VPS41: variants seen among roughly 807,000 people sequenced by gnomAD.
VPS41 encodes VPS41 subunit of HOPS complex.
VPS41 carries 85 observed loss-of-function variants against 130.9 expected under a neutral mutation model. That is an observed-to-expected ratio of 0.65 (90% confidence interval 0.55 to 0.78). The LOEUF is 0.78. VPS41 is among the 30% of genes least tolerant of loss of function. The pLI, the probability that VPS41 is intolerant of heterozygous loss-of-function variation, is 0.00. For synonymous variants in VPS41, 335 were observed against 332.9 expected (o/e 1.01, Z -0.07); for missense variants, 874 against 1,018.7 (o/e 0.86, Z 1.93).
At chr7:38,870,716 T>C (rs1584437546) in intron 2 of VPS41, among the ~76,000 whole-genome samples, 1 of 100,002 alleles carries the variant, frequency 1.0e-5, no homozygotes, top group African/African-American at 4.2e-5. Flanking sequence ...AGCAGGGCTT[T>C]AAAATAACTA....
chr7:38,756,076 T>C (rs1040216686), intron 19 of VPS41, among the ~76,000 whole-genome samples: 5 of 152,200 alleles, frequency 3.3e-5, no homozygotes, highest in African/African-American at 1.2e-4. Flanking sequence ...TACAATATAA[T>C]TGAAAAATGC....
At chr7:38,906,593 C>T (rs1400082804) in intron 1 of VPS41, among the ~76,000 whole-genome samples, 2 of 152,120 alleles carry the variant, frequency 1.3e-5, no homozygotes, top group Non-Finnish European at 2.9e-5. Flanking sequence ...CCCACCTTGG[C>T]CTCCCAAAGT....
chr7:38,800,864 T>C (rs1784712327), intron 7 of VPS41, among the ~76,000 whole-genome samples: 1 of 150,108 alleles, frequency 6.7e-6, no homozygotes, highest in Non-Finnish European at 1.5e-5. Flanking sequence ...AAATAAAAAT[T>C]CACTGGAACT....
intron 5 of VPS41, among the ~76,000 whole-genome samples, chr7:38,829,771 T>G (rs1019123575): frequency 1.3e-5 from 2 of 152,232 alleles, no homozygotes; most frequent in Non-Finnish European, 2.9e-5. Flanking sequence ...ATGTGGCCAT[T>G]GTAAGACACT....
intron 4 of VPS41, among the ~76,000 whole-genome samples, chr7:38,839,622 G>A (rs900905701): frequency 1.3e-5 from 2 of 151,872 alleles, no homozygotes; most frequent in Non-Finnish European, 2.9e-5. Flanking sequence ...GTAGAGATGG[G>A]GTTTCACCAT....
intron 6 of VPS41, among the ~76,000 whole-genome samples, chr7:38,818,364 A>G (rs1177295430): frequency 2.0e-5 from 3 of 152,044 alleles, no homozygotes; most frequent in Admixed American, 2.0e-4. Context: ...TTACACCAAG[A>G]CCCCATCAAT....
At chr7:38,879,331 G>A (rs955324202) in intron 2 of VPS41, among the ~76,000 whole-genome samples, 8 of 152,104 alleles carry the variant, frequency 5.3e-5, no homozygotes, top group East Asian at 1.9e-4. Context: ...AGGACTGGCC[G>A]GCTGCATTCA....
At chr7:38,743,611 A>G (rs1420404068) in intron 23 of VPS41, 69 bp from the exon 24 acceptor site, 4 of 1,545,638 alleles carry the variant, frequency 2.6e-6, no homozygotes, top group African/African-American at 1.4e-5. Flanking sequence ...AAGAAATTGC[A>G]TATCTCTTAA....
intron 7 of VPS41, among the ~76,000 whole-genome samples, chr7:38,812,983 A>C (rs1201550210): frequency 1.3e-5 from 2 of 152,254 alleles, no homozygotes; most frequent in African/African-American, 4.8e-5. Context: ...GCAATTCTTC[A>C]AAATGTCCAA....
chr7:38,821,734 GA>G (rs1374200813), intron 5 of VPS41, among the ~76,000 whole-genome samples: 7 of 148,652 alleles, frequency 4.7e-5, no homozygotes, highest in East Asian at 2.0e-4. Flanking sequence ...AAAAGAAAAA[GA>G]AAAAAGAAAA....
chr7:38,855,831 C>T (rs912710934), intron 4 of VPS41, among the ~76,000 whole-genome samples: 1 of 152,150 alleles, frequency 6.6e-6, no homozygotes, highest in Non-Finnish European at 1.5e-5. Context: ...AACTTAAATA[C>T]TGCTGAACAT....
At chr7:38,767,750 T>A in intron 14 of VPS41, 152 bp from the exon 15 acceptor site, 1 of 438,230 alleles carries the variant, frequency 2.3e-6, no homozygotes, top group South Asian at 6.7e-5. Flanking sequence ...GTAATTACAC[T>A]TGCTTCTTAA....
At chr7:38,843,633 G>A (rs1334558128) in intron 4 of VPS41, among the ~76,000 whole-genome samples, 1 of 150,690 alleles carries the variant, frequency 6.6e-6, no homozygotes, top group East Asian at 2.0e-4. Context: ...AGTGAGCCGA[G>A]ATAGCACCAC....
At chr7:38,843,373 G>T (rs1350145595) in intron 4 of VPS41, among the ~76,000 whole-genome samples, 2 of 152,134 alleles carry the variant, frequency 1.3e-5, no homozygotes, top group East Asian at 3.9e-4. Context: ...TTTTAAAGAT[G>T]ACTCTATGCC....
chr7:38,808,523 A>G (rs1390074629), intron 7 of VPS41, among the ~76,000 whole-genome samples: 1 of 152,234 alleles, frequency 6.6e-6, no homozygotes, highest in East Asian at 1.9e-4. Context: ...TGTATTTACA[A>G]TGCCTCAACG....
At chr7:38,792,060 A>T (rs1370440443) in intron 9 of VPS41, among the ~76,000 whole-genome samples, 2 of 152,124 alleles carry the variant, frequency 1.3e-5, no homozygotes, top group Non-Finnish European at 2.9e-5. Context: ...CCAAGGCCTG[A>T]CTGGTATCTC....
intron 19 of VPS41, among the ~76,000 whole-genome samples, chr7:38,755,224 G>A (rs919364869): frequency 1.2e-4 from 18 of 151,566 alleles, no homozygotes; most frequent in East Asian, 7.8e-4. Context: ...CTAGCCCCCC[G>A]CCCTCCGATG....
At position 38,728,648 on chromosome 7, in the gene VPS41, A is replaced by T. The variant is rs1421291801; in HGVS notation, c.2359+44T>A. 3 of 1,613,954 alleles carry T rather than the reference A, an allele frequency of 1.9e-6. No homozygotes were observed. In the African/African-American group the frequency reaches 4.0e-5, roughly 22 times the overall value. On this transcript the variant is annotated intron_variant, in intron 26 of 28. Transcript: ENST00000310301. Reference sequence around the variant, plus strand: ...TTTATACCTGCTTGGCCATTTCTGAAAGCAGGGCACGTGGTTCCATATGAT... The same window carrying T: ...TTTATACCTGCTTGGCCATTTCTGATAGCAGGGCACGTGGTTCCATATGAT...
intron 10 of VPS41, among the ~76,000 whole-genome samples, chr7:38,778,118 T>C (rs1400252890): frequency 6.6e-6 from 1 of 152,210 alleles, no homozygotes. Context: ...TAATATTTCA[T>C]CTGCTTTGTC....
Sources: gnomAD v4.1 joint callset for allele counts (sites outside exome capture counted in the v4.1 genomes callset) on GRCh38, gnomAD v4.1.1 for gene constraint, MANE v1.5 for transcripts, NCBI Gene and HGNC (gene_info 2026-07-23, HGNC 2026-07-21) for gene names.